Variants in SLTM observed in about 807,000 individuals in gnomAD.
SLTM encodes SAFB-like transcription modulator.
SLTM carries 43 observed loss-of-function variants against 134.6 expected under a neutral mutation model. That is an observed-to-expected ratio of 0.32 (90% CI 0.25 to 0.41). SLTM has a LOEUF of 0.41. Among genes scored for constraint, SLTM ranks in the 10% least tolerant of loss-of-function variants. The probability of loss-of-function intolerance (pLI) is 1.00; values close to 1 mark genes in which losing one functional copy is unlikely to be tolerated. For missense variants in SLTM, 1,055 were observed against 1,288.8 expected, an observed-to-expected ratio of 0.82 and a Z score of 2.78; for synonymous variants, 424 against 432.3, an observed-to-expected ratio of 0.98 and a Z score of 0.24.
intron 5 of SLTM, among the ~76,000 whole-genome samples, chr15:58,903,184 C>A (rs1344710755): frequency 1.3e-5 from 2 of 152,042 alleles, no homozygotes; most frequent in Non-Finnish European, 2.9e-5. Flanking sequence ...ACAAGCTGAG[C>A]CACCGTACAC....
chr15:58,922,918 G>A (rs917627629), intron 2 of SLTM, among the ~76,000 whole-genome samples: 2 of 151,920 alleles, frequency 1.3e-5, no homozygotes, highest in Admixed American at 6.6e-5. Context: ...GTTTCACCAA[G>A]TTGGCCAGAC....
chr15:58,894,221 T>C (rs1337916452), intron 10 of SLTM, 28 bp from the exon 11 acceptor site: 1 of 1,543,010 alleles, frequency 6.5e-7, no homozygotes, highest in Admixed American at 1.8e-5. Flanking sequence ...GAAAAACAAT[T>C]TGTACATATG....
chr15:58,900,912 C>G (rs1319295532), intron 6 of SLTM: 3 of 209,566 alleles, frequency 1.4e-5, no homozygotes, highest in African/African-American at 7.1e-5. Flanking sequence ...TGCACTAGGA[C>G]TCCAATAAGC....
At position 58,893,826 on chromosome 15, in the gene SLTM, C is replaced by T. The variant is rs779169610; in HGVS notation, c.1643G>A (p.Arg548Gln). The T allele has an allele frequency of 5.5e-5, 89 of 1,606,638 alleles. No individual in the cohort carries two copies. The highest frequency in any genetic ancestry group is 5.4e-5 in the African/African-American group (4 of 74,222). The change falls in exon 12 of 21, where the codon CGA (arginine) becomes CAA (glutamine). Residue 548 changes from arginine (R) to glutamine (Q), a missense_variant. Transcript: ENST00000380516. ...ESIKKSEEKKRISSKSPGHMV... is the reference protein window; with the variant it reads ...ESIKKSEEKKQISSKSPGHMV... ...TGAAAAGATGTATAGCATACTTATTCGCTTCTTTTCTTCACTTTTTTTAAT... is the reference window on the plus strand; with the variant it reads ...TGAAAAGATGTATAGCATACTTATTTGCTTCTTTTCTTCACTTTTTTTAAT...
intron 2 of SLTM, among the ~76,000 whole-genome samples, chr15:58,926,067 CT>C (rs1304530495): frequency 2.6e-5 from 4 of 152,140 alleles, no homozygotes; most frequent in African/African-American, 9.7e-5. Context: ...ACCTGGGGAG[CT>C]TTTAGAAAAT....
At chr15:58,919,037 C>T (rs889552813) in intron 2 of SLTM, among the ~76,000 whole-genome samples, 2 of 152,004 alleles carry the variant, frequency 1.3e-5, no homozygotes, top group South Asian at 2.1e-4. Flanking sequence ...GCCTCAGCCT[C>T]CTGTAGTAGG....
At chr15:58,906,150 T>C (rs1173886385) in intron 5 of SLTM, among the ~76,000 whole-genome samples, 1 of 152,210 alleles carries the variant, frequency 6.6e-6, no homozygotes, top group Non-Finnish European at 1.5e-5. Context: ...AATGGGAAAC[T>C]TTCCCTGTCT....
chr15:58,887,168 CTTTT>C (rs749328975), intron 18 of SLTM, 49 bp from the exon 19 acceptor site: 1 of 1,612,216 alleles, frequency 6.2e-7, no homozygotes, highest in Non-Finnish European at 8.5e-7. Flanking sequence ...GTAATCTTAA[CTTTT>C]TTTAACCCCA....
chr15:58,890,178 C>T, intron 15 of SLTM, 103 bp downstream of exon 15: 1 of 1,342,136 alleles, frequency 7.5e-7, no homozygotes, highest in Non-Finnish European at 1.0e-6. Context: ...TAGCTAAACT[C>T]ATTCTATAGA....
intron 5 of SLTM, among the ~76,000 whole-genome samples, chr15:58,908,696 A>G (rs1254608580): frequency 3.3e-5 from 5 of 152,162 alleles, no homozygotes; most frequent in African/African-American, 1.2e-4. Context: ...AGCAATACCT[A>G]AATACTGAAA....
intron 3 of SLTM, among the ~76,000 whole-genome samples, chr15:58,914,809 T>G (rs1164298839): frequency 1.3e-5 from 2 of 152,194 alleles, no homozygotes; most frequent in East Asian, 1.9e-4. Flanking sequence ...CTGTGGGAGA[T>G]GAGAAAATAT....
At chr15:58,885,960 T>C (rs2034149463) in intron 19 of SLTM, among the ~76,000 whole-genome samples, 1 of 152,184 alleles carries the variant, frequency 6.6e-6, no homozygotes, top group African/African-American at 2.4e-5. Flanking sequence ...CACGCCAGTA[T>C]TTCATCAGTA....
At chr15:58,880,136 C>G (rs924758077) in intron 20 of SLTM, 29 bp from the exon 21 acceptor site, 1 of 1,606,474 alleles carries the variant, frequency 6.2e-7, no homozygotes, top group South Asian at 1.1e-5. Flanking sequence ...AAAAAAACAT[C>G]AGAGAACAAA....
At chr15:58,929,845 C>G (rs1285559709) in intron 2 of SLTM, among the ~76,000 whole-genome samples, 1 of 152,116 alleles carries the variant, frequency 6.6e-6, no homozygotes, top group African/African-American at 2.4e-5. Flanking sequence ...TAAAGATGAT[C>G]AGTAGCGCTT....
intron 2 of SLTM, among the ~76,000 whole-genome samples, chr15:58,923,226 G>T (rs2037220521): frequency 6.6e-6 from 1 of 152,058 alleles, no homozygotes; most frequent in African/African-American, 2.4e-5. Context: ...AGGCGTGGTG[G>T]TGTGCACCTG....
In SLTM at chr15:58,913,643, T is replaced by C. The variant is rs774577878; in HGVS notation, c.369A>G (p.Leu123=). 21 of 1,613,590 alleles carry C rather than the reference T, an allele frequency of 1.3e-5. No homozygotes were observed. The East Asian group carries it at 4.2e-4, about 33-fold the overall frequency. ...EAHEQDGNDE[L]KDSEEFGENE... is the part of the protein sequence containing the mutation. ...TTTCACCAAATTCTTCAGAGTCCTT[T>C]AGTTCATCATTTCCATCTTGCTCAT... is the stretch of plus-strand genomic sequence containing the variant. Residue 123 remains leucine (L), a synonymous_variant, in exon 4 of 21, where the codon CTA becomes CTG. Coordinates refer to ENST00000380516, the MANE Select transcript of SLTM (RefSeq NM_024755.4).
intron 2 of SLTM, among the ~76,000 whole-genome samples, chr15:58,931,765 A>G (rs368425804): frequency 6.6e-6 from 1 of 152,256 alleles, no homozygotes; most frequent in Non-Finnish European, 1.5e-5. Context: ...TTAAAAGTTA[A>G]AAATAAGAAT....
chr15:58,917,595 T>C (rs1401741962), intron 2 of SLTM, among the ~76,000 whole-genome samples: 2 of 152,180 alleles, frequency 1.3e-5, no homozygotes, highest in Non-Finnish European at 2.9e-5. Context: ...AGCCTAAATA[T>C]AAAGAGTGCT....
chr15:58,932,881 A>G (rs1191764642), intron 1 of SLTM, among the ~76,000 whole-genome samples: 1 of 152,258 alleles, frequency 6.6e-6, no homozygotes, highest in Non-Finnish European at 1.5e-5. Flanking sequence ...CGCTGATGCA[A>G]AAACTAAAAG....
Sources: gnomAD v4.1 joint callset for allele counts (sites outside exome capture counted in the v4.1 genomes callset) on GRCh38, gnomAD v4.1.1 for gene constraint, MANE v1.5 for transcripts, NCBI Gene and HGNC (gene_info 2026-07-23, HGNC 2026-07-21) for gene names.